Variants in FILIP1 observed in about 807,000 individuals in gnomAD.
FILIP1 encodes the protein filamin-A-interacting protein 1.
A neutral mutation model predicts 102.1 loss-of-function variants in FILIP1; 61 were observed. That is an observed-to-expected ratio of 0.60 (90% CI 0.49 to 0.74). The LOEUF (loss-of-function observed/expected upper bound fraction) is 0.74. Ranked by LOEUF, FILIP1 falls within the 30% of genes least tolerant of loss-of-function variation. The pLI, the probability that FILIP1 is intolerant of heterozygous loss-of-function variation, is 0.00. For synonymous variants in FILIP1, 491 were observed against 526.9 expected, an observed-to-expected ratio of 0.93 and a Z score of 0.93; for missense variants, 1,314 against 1,441.2, an observed-to-expected ratio of 0.91 and a Z score of 1.43.
chr6:75,462,159 T>C (rs190679449), intron 1 of FILIP1, among the ~76,000 whole-genome samples: 2 of 152,318 alleles, frequency 1.3e-5, no homozygotes, highest in East Asian at 3.9e-4. Context: ...ACTTGCCCTT[T>C]CTAAGTATCT....
At chr6:75,415,692 T>C (rs893462773) in intron 1 of FILIP1, among the ~76,000 whole-genome samples, 1 of 152,040 alleles carries the variant, frequency 6.6e-6, no homozygotes, top group Non-Finnish European at 1.5e-5. Flanking sequence ...TTTAATGTCA[T>C]TTACAGTAAT....
In FILIP1 at chr6:75,372,621, AAAAGAAAGAAAGAAAG is replaced by A. The variant is rs760896137; in HGVS notation, c.277-9720_277-9705del. On this transcript the variant is annotated intron_variant, in intron 2 of 5. Transcript: ENST00000237172. ...TATCAAGAAAAGAAAGAAAGAAAGA[AAAAGAAAGAAAGAAAG>A]AAAGAAAGAAAGAAAGAAAGAAAGA... 2.1e-3 allele frequency among the ~76,000 whole-genome samples: 90 copies of A among 42,246 alleles called. 3 individuals carry two copies. The East Asian group carries it at 0.023, about 11-fold the overall frequency. The allele number at this position is 42,246 out of a possible 152,430, so 27.7% of individuals were successfully genotyped here.
At position 75,313,169 on chromosome 6, in the gene FILIP1, G is replaced by A. The variant is rs763857606; in HGVS notation, c.2663C>T (p.Pro888Leu). Residue 888 changes from proline (P) to leucine (L), a missense_variant, in exon 5 of 6, where the codon CCC becomes CTC. Around this residue, in one of 3 missense-constraint regions of FILIP1, gnomAD observed 816 missense variants for 913.1 expected, o/e 0.89. Transcript: ENST00000237172. This position sits in a 1 kb window ranked among gnomAD's most constrained non-coding sequence, Gnocchi z 4.2. Reference protein sequence around the residue: ...NGPSITQEKGPRTNSSPGHPG... With the variant: ...NGPSITQEKGLRTNSSPGHPG... ...GTGCCCTGGACTGGAATTTGTTCGGGGCCCTTTCTCCTGAGTGATGGAGGG... is the reference window on the plus strand; with the variant it reads ...GTGCCCTGGACTGGAATTTGTTCGGAGCCCTTTCTCCTGAGTGATGGAGGG... 1.2e-6 allele frequency: 2 copies of A among 1,614,100 alleles called. No individual in the cohort carries two copies. Among genetic ancestry groups the A allele is most frequent in the Non-Finnish European group, 1.7e-6 (2 of 1,180,028 alleles).
At chr6:75,398,796 T>G (rs1319713237) in intron 2 of FILIP1, 1 of 152,192 alleles carries the variant, frequency 6.6e-6, no homozygotes, top group Non-Finnish European at 1.5e-5. Context: ...TTTAAAAAGT[T>G]TTACATGAAT....
At chr6:75,301,993 C>T (rs1772850818) in intron 6 of FILIP1, among the ~76,000 whole-genome samples, 1 of 152,120 alleles carries the variant, frequency 6.6e-6, no homozygotes, top group African/African-American at 2.4e-5. Flanking sequence ...GAGCATGAGA[C>T]AAACCCCTGA....
intron 1 of FILIP1, among the ~76,000 whole-genome samples, chr6:75,461,323 C>A (rs145608000): frequency 0.018 from 2,664 of 152,228 alleles, 30 homozygotes; most frequent in South Asian, 0.064. Flanking sequence ...AAAATTTGAG[C>A]CTAAGCAATT....
chr6:75,439,365 C>CA (rs11321756), intron 1 of FILIP1, among the ~76,000 whole-genome samples: 11 of 146,760 alleles, frequency 7.5e-5, no homozygotes, highest in South Asian at 2.2e-4. Flanking sequence ...AGACTCCGTC[C>CA]AAAAAAAAAA....
intron 4 of FILIP1, among the ~76,000 whole-genome samples, chr6:75,328,855 C>T (rs1773967670): frequency 1.3e-5 from 2 of 152,162 alleles, no homozygotes; most frequent in African/African-American, 2.4e-5. Context: ...AGTCTCAGCT[C>T]CCTTGGCCTT....
chr6:75,372,797 G>GAAGGAAAGAAAGAAAGAAGGAAA (rs1775619780), intron 2 of FILIP1, among the ~76,000 whole-genome samples: 1 of 41,514 alleles, frequency 2.4e-5, no homozygotes, highest in African/African-American at 1.2e-4. Context: ...AAAGAAAGAA[G>GAAGGAAAGAAAGAAAGAAGGAAA]GAAAGAAAGA....
intron 1 of FILIP1, among the ~76,000 whole-genome samples, chr6:75,442,120 G>A (rs1187997405): frequency 2.0e-5 from 3 of 152,066 alleles, no homozygotes; most frequent in Non-Finnish European, 4.4e-5. Flanking sequence ...CAGATGGGGC[G>A]GCGGAGCAGA....
chr6:75,375,567 A>G (rs1045968704), intron 2 of FILIP1, among the ~76,000 whole-genome samples: 1 of 152,196 alleles, frequency 6.6e-6, no homozygotes, highest in Non-Finnish European at 1.5e-5. Flanking sequence ...TGGCATTCTC[A>G]CCAAGCGGGA....
At chr6:75,450,608 C>T (rs1778594511) in intron 1 of FILIP1, among the ~76,000 whole-genome samples, 1 of 148,948 alleles carries the variant, frequency 6.7e-6, no homozygotes, top group African/African-American at 2.5e-5. Flanking sequence ...TATGACACTG[C>T]ACTCCAGCCT....
intron 6 of FILIP1, among the ~76,000 whole-genome samples, chr6:75,299,973 C>T (rs1582303708): frequency 6.6e-6 from 1 of 152,124 alleles, no homozygotes; most frequent in East Asian, 1.9e-4. Flanking sequence ...GAGGCAACCT[C>T]ACAACAAATT....
At chr6:75,372,699 A>AAG (rs1216669721) in intron 2 of FILIP1, among the ~76,000 whole-genome samples, 1 of 57,858 alleles carries the variant, frequency 1.7e-5, no homozygotes, top group Non-Finnish European at 3.2e-5. Flanking sequence ...AAGAAAGAGA[A>AAG]AGAAAGAAAG....
chr6:75,422,534 AG>A (rs556243452), intron 1 of FILIP1, among the ~76,000 whole-genome samples: 76 of 152,298 alleles, frequency 5.0e-4, no homozygotes, highest in Non-Finnish European at 9.9e-4. Flanking sequence ...GAACTGAATA[AG>A]AATCAGCCAT....
rs936801792 is a variant in FILIP1, at chr6:75,308,369, C to T, written c.*322G>A. 16 of 1,046,004 alleles carry T rather than the reference C, an allele frequency of 1.5e-5. No individual in the cohort carries two copies. Among genetic ancestry groups the T allele is most frequent in the African/African-American group, 1.0e-4 (6 of 59,938 alleles). The allele number at this position is 1,046,004 out of a possible 1,614,324, so 64.8% of individuals were successfully genotyped here. On this transcript the variant is annotated 3_prime_UTR_variant, in exon 6 of 6. Transcript: ENST00000237172. Reference sequence around the variant, plus strand: ...AAATATGGGAGCCGGACTTGAAGAGCGTGTGATTGAGTCCCCACATCTAAC... The same window carrying T: ...AAATATGGGAGCCGGACTTGAAGAGTGTGTGATTGAGTCCCCACATCTAAC...
At chr6:75,388,489 A>G (rs573950848) in intron 2 of FILIP1, among the ~76,000 whole-genome samples, 80 of 152,282 alleles carry the variant, frequency 5.3e-4, no homozygotes, top group African/African-American at 1.8e-3. Context: ...CATTTTCACA[A>G]TATTGATTCC....
At chr6:75,349,208 T>C (rs1774700091) in intron 4 of FILIP1, among the ~76,000 whole-genome samples, 1 of 152,226 alleles carries the variant, frequency 6.6e-6, no homozygotes, top group Non-Finnish European at 1.5e-5. Flanking sequence ...CAACAGCTAC[T>C]ACTGATCCTG....
intron 4 of FILIP1, among the ~76,000 whole-genome samples, chr6:75,350,782 T>C: frequency 6.6e-6 from 1 of 152,178 alleles, no homozygotes; most frequent in East Asian, 1.9e-4. Flanking sequence ...TTAGCTTAGG[T>C]GGGAAGCTAA....
Sources: gnomAD v4.1 joint callset for allele counts (sites outside exome capture counted in the v4.1 genomes callset) on GRCh38, gnomAD v4.1.1 for gene constraint, gnomAD v4.1.1 regional missense constraint, Gnocchi (gnomAD v3.1) non-coding constraint, MANE v1.5 for transcripts, NCBI Gene and HGNC (gene_info 2026-07-23, HGNC 2026-07-21) for gene names.